The following OR56A3 variants were observed in gnomAD, a reference collection of about 807,000 sequenced individuals.
The protein encoded by OR56A3 is olfactory receptor family 56 subfamily A member 3.
A neutral mutation model predicts 17.5 loss-of-function variants in OR56A3; 23 were observed. The observed-to-expected ratio is 1.32, with a 90% CI of 0.95 to 1.87. OR56A3 has a LOEUF of 1.87. OR56A3 is among the 40% of genes most tolerant of loss of function. The pLI is 0.00. For missense variants in OR56A3, 366 were observed against 380.1 expected (o/e 0.96, Z 0.31); for synonymous variants, 175 against 150.6 (o/e 1.16, Z -1.19).
chr11:5,994,341 T>A, the OR56A3 span: 1 of 682,432 alleles, frequency 1.5e-6, no homozygotes, highest in Non-Finnish European at 2.7e-6. Context: ...GGTGCTCTCC[T>A]CAATCTGCTG....
intron 1 of OR56A3, among the ~76,000 whole-genome samples, chr11:5,943,697 A>G (rs1205233155): frequency 6.6e-6 from 1 of 152,196 alleles, no homozygotes; most frequent in Non-Finnish European, 1.5e-5. Context: ...AGTTCAAGCT[A>G]AGAGCTGAAT....
chr11:6,017,620 AGATTT>A, the OR56A3 span, among the ~76,000 whole-genome samples: 16 of 152,328 alleles, frequency 1.1e-4, no homozygotes, highest in East Asian at 2.9e-3. Flanking sequence ...ATTCGACATG[AGATTT>A]GGGTGGGGAC....
chr11:5,956,908 G>C, the OR56A3 span, among the ~76,000 whole-genome samples: 1 of 152,164 alleles, frequency 6.6e-6, no homozygotes, highest in East Asian at 1.9e-4. Context: ...TGTAATCCCA[G>C]CACTTTGGGA....
At chr11:5,968,086 ATGAGTAC>A in the OR56A3 span, 5 of 1,613,756 alleles carry the variant, frequency 3.1e-6, no homozygotes, top group Non-Finnish European at 4.2e-6. Flanking sequence ...GTGATGATGG[ATGAGTAC>A]TGTAGGGGCT....
the OR56A3 span, chr11:5,986,744 T>C: frequency 1.9e-6 from 3 of 1,613,896 alleles, no homozygotes; most frequent in African/African-American, 2.7e-5. Context: ...ATGAAGAGAA[T>C]GGTAACATTG....
At chr11:5,947,060 T>TAA (rs137998845) in intron 2 of OR56A3, among the ~76,000 whole-genome samples, 5 of 151,862 alleles carry the variant, frequency 3.3e-5, no homozygotes, top group South Asian at 2.1e-4. Flanking sequence ...TTAGTTTCTC[T>TAA]AAAAAAAACA....
chr11:5,979,581 C>T, the OR56A3 span, among the ~76,000 whole-genome samples: 1 of 151,944 alleles, frequency 6.6e-6, no homozygotes. Flanking sequence ...TTTGTCATTT[C>T]TGATTGTGTT....
the OR56A3 span, chr11:6,003,069 A>G: frequency 1.2e-6 from 2 of 1,613,410 alleles, no homozygotes; most frequent in Non-Finnish European, 8.5e-7. Context: ...TAAAAAGTAC[A>G]TTCTAGACGT....
At chr11:6,016,631 G>A in the OR56A3 span, among the ~76,000 whole-genome samples, 1 of 151,934 alleles carries the variant, frequency 6.6e-6, no homozygotes, top group Non-Finnish European at 1.5e-5. Flanking sequence ...CATCTCCAAA[G>A]TAACACAGTG....
chr11:5,996,189 T>C, the OR56A3 span, among the ~76,000 whole-genome samples: 34 of 152,266 alleles, frequency 2.2e-4, no homozygotes, highest in Non-Finnish European at 4.4e-4. Flanking sequence ...GGAAAGAAAA[T>C]TTGGTACATG....
the OR56A3 span, chr11:6,002,057 C>A: frequency 1.3e-6 from 2 of 1,571,506 alleles, no homozygotes; most frequent in Non-Finnish European, 1.7e-6. Context: ...ATTCTTACAA[C>A]CTCTTCAGCA....
the OR56A3 span, among the ~76,000 whole-genome samples, chr11:5,998,554 A>G: frequency 5.4e-4 from 83 of 152,348 alleles, no homozygotes; most frequent in African/African-American, 1.9e-3. Context: ...AGCAGCGAGT[A>G]ATAACCGACC....
At chr11:6,012,228 T>C in the OR56A3 span, among the ~76,000 whole-genome samples, 3 of 152,230 alleles carry the variant, frequency 2.0e-5, no homozygotes, top group African/African-American at 4.8e-5. Flanking sequence ...AGGAGCTTTA[T>C]TGAGCAATAG....
At chr11:5,987,934 T>C in the OR56A3 span, among the ~76,000 whole-genome samples, 1 of 152,172 alleles carries the variant, frequency 6.6e-6, no homozygotes, top group Non-Finnish European at 1.5e-5. Flanking sequence ...ACTCCTAAGA[T>C]TAAAATCCTT....
chr11:5,966,893 A>AACACACACACAC, the OR56A3 span, among the ~76,000 whole-genome samples: 413 of 147,222 alleles, frequency 2.8e-3, 2 homozygotes, highest in South Asian at 6.9e-3. Flanking sequence ...CACTTAAAGC[A>AACACACACACAC]ACACACACAC....
At chr11:6,013,084 G>A in the OR56A3 span, among the ~76,000 whole-genome samples, 1 of 152,228 alleles carries the variant, frequency 6.6e-6, no homozygotes, top group African/African-American at 2.4e-5. Flanking sequence ...TGTGCCCAGG[G>A]GTGTGGGACT....
the OR56A3 span, chr11:6,017,231 C>T: frequency 1.3e-5 from 2 of 152,052 alleles, no homozygotes; most frequent in Admixed American, 6.6e-5. Context: ...TAAGCAAATG[C>T]AAATAAAACC....
the OR56A3 span, among the ~76,000 whole-genome samples, chr11:5,996,754 C>T: frequency 2.6e-5 from 4 of 152,218 alleles, no homozygotes; most frequent in African/African-American, 9.6e-5. Context: ...AGAAATAAGT[C>T]TATTTCTCTA....
At chr11:5,991,922 G>T in the OR56A3 span, among the ~76,000 whole-genome samples, 2 of 152,194 alleles carry the variant, frequency 1.3e-5, no homozygotes, top group African/African-American at 4.8e-5. Context: ...TGGCTGGAAA[G>T]GCACAGAGCT....
Sources: gnomAD v4.1 joint callset for allele counts (sites outside exome capture counted in the v4.1 genomes callset) on GRCh38, gnomAD v4.1.1 for gene constraint, MANE v1.5 for transcripts, NCBI Gene and HGNC (gene_info 2026-07-23, HGNC 2026-07-21) for gene names.